Variants in EYS observed in about 807,000 individuals in gnomAD.
The protein encoded by EYS is protein eyes shut homolog.
Under a neutral mutation model 282.1 loss-of-function variants are expected in EYS, and 250 were observed. The observed-to-expected ratio is 0.89, with a 90% CI of 0.80 to 0.98. The LOEUF (loss-of-function observed/expected upper bound fraction) is 0.98. Ranked by LOEUF, EYS falls within the 50% of genes least tolerant of loss-of-function variation. EYS has a pLI of 0.00. For synonymous variants in EYS, 1,355 were observed against 1,282.9 expected (o/e 1.06, Z -1.20); for missense variants, 4,016 against 3,709.0 (o/e 1.08, Z -2.15).
chr6:65,045,961 T>G (rs528191455), intron 13 of EYS, among the ~76,000 whole-genome samples: 1 of 151,936 alleles, frequency 6.6e-6, no homozygotes, highest in Admixed American at 6.6e-5. Context: ...GAATATACTT[T>G]TACCTTATTG....
chr6:63,873,388 A>C (rs1042021128), intron 35 of EYS, among the ~76,000 whole-genome samples: 1 of 152,080 alleles, frequency 6.6e-6, no homozygotes, highest in Admixed American at 6.5e-5. Context: ...ACATTTTCTT[A>C]ATCCAGTCTA....
chr6:64,343,211 A>G (rs1582627795), intron 29 of EYS, among the ~76,000 whole-genome samples: 2 of 152,220 alleles, frequency 1.3e-5, no homozygotes, highest in East Asian at 3.9e-4. Context: ...CGGACCTAAT[A>G]GACATCTACA....
At chr6:64,263,356 T>C (rs1767651472) in intron 30 of EYS, among the ~76,000 whole-genome samples, 1 of 152,108 alleles carries the variant, frequency 6.6e-6, no homozygotes, top group Admixed American at 6.6e-5. Flanking sequence ...ATTGAAATCT[T>C]TTCTTATCTT....
chr6:64,567,792 A>C (rs1340278204), intron 26 of EYS, among the ~76,000 whole-genome samples: 1 of 152,240 alleles, frequency 6.6e-6, no homozygotes, highest in Non-Finnish European at 1.5e-5. Context: ...TAAAAAATAA[A>C]TTATCTTCCT....
intron 26 of EYS, among the ~76,000 whole-genome samples, chr6:64,571,291 A>C (rs1765717816): frequency 6.6e-6 from 1 of 152,196 alleles, no homozygotes; most frequent in South Asian, 2.1e-4. Flanking sequence ...TTTAGAGGGA[A>C]ATTTATACCA....
At chr6:64,309,074 C>A (rs113226209) in intron 29 of EYS, among the ~76,000 whole-genome samples, 34 of 152,038 alleles carry the variant, frequency 2.2e-4, no homozygotes, top group African/African-American at 7.0e-4. Context: ...AAAAAATGAT[C>A]TTATAAAAAT....
chr6:64,027,305 C>G (rs1769567897), intron 33 of EYS, among the ~76,000 whole-genome samples: 1 of 152,172 alleles, frequency 6.6e-6, no homozygotes, highest in Non-Finnish European at 1.5e-5. Context: ...AATCCTTCTG[C>G]CTTCCTCAAG....
At chr6:64,379,286 T>A (rs1369591630) in intron 29 of EYS, among the ~76,000 whole-genome samples, 1 of 152,158 alleles carries the variant, frequency 6.6e-6, no homozygotes, top group Non-Finnish European at 1.5e-5. Context: ...TTTATTTTAC[T>A]TGCTGTTGAG....
At chr6:65,035,892 T>C (rs1270526480) in intron 13 of EYS, among the ~76,000 whole-genome samples, 1 of 147,568 alleles carries the variant, frequency 6.8e-6, no homozygotes, top group Non-Finnish European at 1.5e-5. Context: ...TTGTAATATA[T>C]ATTATATATT....
chr6:65,155,093 C>T (rs1477803050), intron 12 of EYS, among the ~76,000 whole-genome samples: 1 of 151,528 alleles, frequency 6.6e-6, no homozygotes, highest in Non-Finnish European at 1.5e-5. Context: ...AGCAAATGCA[C>T]TCAGGAATTT....
intron 1 of EYS, among the ~76,000 whole-genome samples, chr6:65,702,924 T>C (rs918972382): frequency 2.0e-5 from 3 of 152,082 alleles, no homozygotes; most frequent in Non-Finnish European, 4.4e-5. Context: ...TTTTAGATGT[T>C]ATTAACATTT....
chr6:65,326,870 C>T (rs1769636308), intron 11 of EYS, among the ~76,000 whole-genome samples: 1 of 151,470 alleles, frequency 6.6e-6, no homozygotes, highest in South Asian at 2.1e-4. Context: ...TATTGGAAAT[C>T]TATACATTTC....
chr6:64,013,444 T>G (rs1446782186), intron 33 of EYS, among the ~76,000 whole-genome samples: 4 of 152,174 alleles, frequency 2.6e-5, no homozygotes, highest in Non-Finnish European at 5.9e-5. Context: ...AGCTTCCTGT[T>G]TTTTTTGACC....
chr6:65,655,531 C>A (rs957926478), intron 1 of EYS, among the ~76,000 whole-genome samples: 5 of 151,698 alleles, frequency 3.3e-5, no homozygotes, highest in African/African-American at 1.2e-4. Flanking sequence ...ATAGATAAAC[C>A]ATATCTAGCC....
chr6:64,558,784 T>C (rs1765311960), intron 26 of EYS, among the ~76,000 whole-genome samples: 1 of 152,138 alleles, frequency 6.6e-6, no homozygotes, highest in African/African-American at 2.4e-5. Flanking sequence ...AAATTTGCTG[T>C]TAGTATGTTG....
intron 31 of EYS, among the ~76,000 whole-genome samples, chr6:64,184,009 T>C (rs546376026): frequency 1.3e-5 from 2 of 152,200 alleles, no homozygotes; most frequent in South Asian, 4.1e-4. Flanking sequence ...AGAGCTTTTA[T>C]TTCAGTGCAT....
At chr6:63,952,252 G>T (rs925182508) in intron 35 of EYS, among the ~76,000 whole-genome samples, 3 of 152,168 alleles carry the variant, frequency 2.0e-5, no homozygotes, top group Admixed American at 6.5e-5. Flanking sequence ...TGTCCTATCT[G>T]TGTGGGATCT....
intron 13 of EYS, among the ~76,000 whole-genome samples, chr6:65,046,838 T>C (rs1344406655): frequency 1.3e-5 from 2 of 151,950 alleles, no homozygotes; most frequent in Non-Finnish European, 2.9e-5. Flanking sequence ...AAGGTGTTTG[T>C]ATTATGGGGG....
Position 64,461,398 on chromosome 6 carries a change from G to T in EYS, c.5645-22046C>A, listed in dbSNP as rs540157387. Reference sequence around the variant, plus strand: ...CTGATGGATTGATTGATTGTGAGATGCAGGAGGAAGGTTTACAAGCCAAAA... The same window carrying T: ...CTGATGGATTGATTGATTGTGAGATTCAGGAGGAAGGTTTACAAGCCAAAA... On this transcript the variant is annotated intron_variant, in intron 26 of 42. Transcript: ENST00000503581. Among the ~76,000 whole-genome samples the T allele has an allele frequency of 5.3e-5, 8 of 152,278 alleles. No homozygotes were observed. The South Asian group carries it at 1.7e-3, about 32-fold the overall frequency.
Sources: gnomAD v4.1 joint callset for allele counts (sites outside exome capture counted in the v4.1 genomes callset) on GRCh38, gnomAD v4.1.1 for gene constraint, MANE v1.5 for transcripts, NCBI Gene and HGNC (gene_info 2026-07-23, HGNC 2026-07-21) for gene names.